The following FAM163A variants were observed in gnomAD, a reference collection of about 807,000 sequenced individuals.
FAM163A encodes the protein family with sequence similarity 163 member A.
A neutral mutation model predicts 12.0 loss-of-function variants in FAM163A; 7 were observed. The observed-to-expected ratio is 0.58, with a 90% CI of 0.33 to 1.10. FAM163A has a LOEUF of 1.10. Ranked by LOEUF, FAM163A falls within the 50% of genes least tolerant of loss-of-function variation. The pLI is 0.03. For synonymous variants in FAM163A, 101 were observed against 91.0 expected (o/e 1.11, Z -0.62); for missense variants, 202 against 218.6 (o/e 0.92, Z 0.48).
In FAM163A at chr1:179,743,343, G is replaced by C. The variant is rs1683906823; in HGVS notation, c.-216G>C. On this transcript the variant is annotated 5_prime_UTR_variant, in exon 1 of 5. Transcript: ENST00000341785. ...GAGCCTCACGTGTGCCGCCCCAGCC[G>C]CTGGCGCCCGGAAGGACGCGCTGCG... The C allele has an allele frequency of 6.6e-6, 1 of 152,320 alleles. No individual in the cohort carries two copies. Among genetic ancestry groups the C allele is most frequent in the South Asian group, 2.1e-4 (1 of 4,836 alleles). 9.4% of individuals were successfully genotyped at this position (152,320 alleles called of 1,614,324 possible). A position where few individuals can be genotyped will look rare whatever the true frequency, so the allele number is the denominator to read the frequency against.
chr1:179,741,963 T>G (rs1683708137), upstream of FAM163A: 1 of 152,190 alleles, frequency 6.6e-6, no homozygotes, highest in Admixed American at 6.5e-5. Flanking sequence ...GTGTTACAGT[T>G]TATAACAAAA....
At position 179,749,023 on chromosome 1, in the gene FAM163A, A is replaced by G. The variant is rs910733359; in HGVS notation, c.-136+5600A>G. Among the ~76,000 whole-genome samples the G allele has an allele frequency of 2.6e-5, 4 of 152,270 alleles. No homozygotes were observed. In the South Asian group the frequency reaches 8.3e-4, roughly 31 times the overall value. ...TATTGACAACAGGCATGTGAAATCAACATTTCTGTTGTATTTAAATATCCA... is the reference window on the plus strand; with the variant it reads ...TATTGACAACAGGCATGTGAAATCAGCATTTCTGTTGTATTTAAATATCCA... On this transcript the variant is annotated intron_variant, in intron 1 of 4. Coordinates refer to ENST00000341785, the MANE Select transcript of FAM163A (RefSeq NM_173509.3).
At chr1:179,753,798 A>G (rs1367782610) in intron 1 of FAM163A, among the ~76,000 whole-genome samples, 1 of 152,240 alleles carries the variant, frequency 6.6e-6, no homozygotes, top group Non-Finnish European at 1.5e-5. Flanking sequence ...AGACTCGGTG[A>G]AGAGAGAAAG....
At chr1:179,805,663 G>A (rs1447576860) in intron 1 of FAM163A, among the ~76,000 whole-genome samples, 3 of 152,056 alleles carry the variant, frequency 2.0e-5, no homozygotes, top group Non-Finnish European at 4.4e-5. Flanking sequence ...CCTGAGGTGG[G>A]CCCCCACACG....
chr1:179,813,092 G>A lies in FAM163A; in HGVS notation c.-6G>A, dbSNP rs1694928089. ...TCTTTGCAGAGTTTGATGGGGCGCCGGGCGGATGACAGCGGGAACGGTTGT... is the reference window on the plus strand; with the variant it reads ...TCTTTGCAGAGTTTGATGGGGCGCCAGGCGGATGACAGCGGGAACGGTTGT... On this transcript the variant is annotated 5_prime_UTR_variant, in exon 4 of 5. Transcript: ENST00000341785. 1.9e-6 allele frequency: 3 copies of A among 1,551,642 alleles called. No individual in the cohort carries two copies. The highest frequency in any genetic ancestry group is 2.6e-6 in the Non-Finnish European group (3 of 1,146,954).
intron 1 of FAM163A, among the ~76,000 whole-genome samples, chr1:179,771,979 T>G (rs974341884): frequency 3.3e-5 from 5 of 152,158 alleles, no homozygotes; most frequent in African/African-American, 1.2e-4. Context: ...TTTGAGATTC[T>G]GTTCTCTGGC....
chr1:179,798,051 G>A (rs994535125), intron 1 of FAM163A, among the ~76,000 whole-genome samples: 4 of 152,062 alleles, frequency 2.6e-5, no homozygotes, highest in Non-Finnish European at 4.4e-5. Flanking sequence ...CTAACATGGC[G>A]AAACTCCGTC....
intron 1 of FAM163A, among the ~76,000 whole-genome samples, chr1:179,767,497 A>G (rs1687669218): frequency 6.6e-6 from 1 of 152,040 alleles, no homozygotes; most frequent in African/African-American, 2.4e-5. Context: ...ATCCCCCCGC[A>G]TGGCTGCTCT....
Position 179,814,234 on chromosome 1 carries a change from G to T in FAM163A, c.*45G>T. On this transcript the variant is annotated 3_prime_UTR_variant, in exon 5 of 5. Transcript: ENST00000341785. ...CACACACACCCACACTGCTGCCCTG[G>T]CGGGGGCCATGGGGGTGATGAATGA... The T allele has an allele frequency of 6.5e-7, 1 of 1,548,446 alleles. No homozygotes were observed. Among genetic ancestry groups the T allele is most frequent in the Non-Finnish European group, 8.7e-7 (1 of 1,146,318 alleles).
chr1:179,800,729 G>A (rs574021540), intron 1 of FAM163A, among the ~76,000 whole-genome samples: 1 of 152,168 alleles, frequency 6.6e-6, no homozygotes, highest in African/African-American at 2.4e-5. Context: ...GTAGATGAAG[G>A]ATAAATGAGG....
At chr1:179,757,947 A>G (rs1431170843) in intron 1 of FAM163A, among the ~76,000 whole-genome samples, 1 of 152,270 alleles carries the variant, frequency 6.6e-6, no homozygotes, top group Non-Finnish European at 1.5e-5. Flanking sequence ...TTGAGCCTAG[A>G]CAACTGAACA....
the FAM163A span, among the ~76,000 whole-genome samples, chr1:179,737,825 ACT>A: frequency 0.055 from 8,334 of 150,810 alleles, 317 homozygotes; most frequent in Middle Eastern, 0.092. Flanking sequence ...ACACAGTGAG[ACT>A]CTGTCTCAAA....
intron 1 of FAM163A, among the ~76,000 whole-genome samples, chr1:179,764,265 T>C (rs1272414474): frequency 6.6e-6 from 1 of 152,156 alleles, no homozygotes; most frequent in Non-Finnish European, 1.5e-5. Flanking sequence ...TTGCATCCAC[T>C]AGCAACAGGC....
At chr1:179,728,465 T>A in the FAM163A span, among the ~76,000 whole-genome samples, 1 of 152,156 alleles carries the variant, frequency 6.6e-6, no homozygotes. Flanking sequence ...GCCAGGCACA[T>A]AACATCAGGC....
At chr1:179,766,705 A>G (rs1571379935) in intron 1 of FAM163A, among the ~76,000 whole-genome samples, 1 of 151,252 alleles carries the variant, frequency 6.6e-6, no homozygotes, top group Non-Finnish European at 1.5e-5. Context: ...TTTACACCCA[A>G]TGGCCCCTCA....
chr1:179,800,548 C>T (rs1343492200), intron 1 of FAM163A, among the ~76,000 whole-genome samples: 1 of 152,222 alleles, frequency 6.6e-6, no homozygotes, highest in Non-Finnish European at 1.5e-5. Flanking sequence ...GCAGAGTCAC[C>T]CCCAGGCCTT....
chr1:179,746,264 A>G lies in FAM163A; in HGVS notation c.-136+2841A>G, dbSNP rs182015763. Reference sequence around the variant, plus strand: ...TAGTGATTCCATTTTTAGGAATTGAACTTGTTGTTAAACTTGCATATGGGC... The same window carrying G: ...TAGTGATTCCATTTTTAGGAATTGAGCTTGTTGTTAAACTTGCATATGGGC... On this transcript the variant is annotated intron_variant, in intron 1 of 4. Transcript: ENST00000341785. Among the ~76,000 whole-genome samples the G allele has an allele frequency of 2.6e-4, 40 of 152,342 alleles. No homozygotes were observed. In the East Asian group the frequency reaches 3.9e-3, roughly 15 times the overall value.
chr1:179,743,590 C>G (rs1205063794), intron 1 of FAM163A, among the ~76,000 whole-genome samples, 167 bp downstream of exon 1: 38 of 152,168 alleles, frequency 2.5e-4, no homozygotes. Flanking sequence ...GGCTGCCTCC[C>G]TCTGCCCACC....
chr1:179,755,127 ACT>A (rs1685825210), intron 1 of FAM163A, among the ~76,000 whole-genome samples: 1 of 138,320 alleles, frequency 7.2e-6, no homozygotes, highest in South Asian at 2.4e-4. Flanking sequence ...ACAGAGCAAG[ACT>A]CTGCCTCAAA....
Sources: gnomAD v4.1 joint callset for allele counts (sites outside exome capture counted in the v4.1 genomes callset) on GRCh38, gnomAD v4.1.1 for gene constraint, MANE v1.5 for transcripts, NCBI Gene and HGNC (gene_info 2026-07-23, HGNC 2026-07-21) for gene names.